Variants in ROR2 observed in about 807,000 individuals in gnomAD.
The protein encoded by ROR2 is tyrosine-protein kinase transmembrane receptor ROR2.
ROR2 carries 33 observed loss-of-function variants against 74.9 expected under a neutral mutation model. The observed-to-expected ratio is 0.44, with a 90% CI of 0.33 to 0.59. The LOEUF (loss-of-function observed/expected upper bound fraction) is 0.59. Among genes scored for constraint, ROR2 ranks in the 20% least tolerant of loss-of-function variants. The probability of loss-of-function intolerance (pLI) is 0.02; values close to 1 mark genes in which losing one functional copy is unlikely to be tolerated. For missense variants in ROR2, 1,216 were observed against 1,313.8 expected (o/e 0.93, Z 1.15); for synonymous variants, 586 against 558.7 (o/e 1.05, Z -0.69).
Position 91,733,097 on chromosome 9 carries a change from CCGCCCCGGGCCCT to C in ROR2, c.937+12_937+24del. On this transcript the variant is annotated intron_variant, in intron 6 of 8. Coordinates refer to ENST00000375708, the MANE Select transcript of ROR2 (RefSeq NM_004560.4). This position sits in a 1 kb window ranked among gnomAD's most constrained non-coding sequence, Gnocchi z 5.7. ...CCTACACTCCCTGCGCCCCCCGGTC[CCGCCCCGGGCCCT>C]CGGGCACTCACAGCGGCCCAGCCTC... is the stretch of plus-strand genomic sequence containing the variant. The C allele has an allele frequency of 7.7e-6, 12 of 1,565,882 alleles. No homozygotes were observed. Among genetic ancestry groups the C allele is most frequent in the Non-Finnish European group, 1.0e-5 (12 of 1,158,950 alleles).
intron 1 of ROR2, among the ~76,000 whole-genome samples, chr9:91,870,407 T>G (rs902637286): frequency 6.6e-6 from 1 of 152,194 alleles, no homozygotes; most frequent in Non-Finnish European, 1.5e-5. Context: ...TGGGCAAGGA[T>G]AGCCAGACCG....
intron 1 of ROR2, among the ~76,000 whole-genome samples, chr9:91,794,109 T>TCCAAATA (rs1189778501): frequency 2.6e-5 from 4 of 152,228 alleles, no homozygotes; most frequent in African/African-American, 9.7e-5. Context: ...TGGGAGACTA[T>TCCAAATA]CCAAATACCA....
Position 91,871,370 on chromosome 9 carries a change from C to G in ROR2, c.97+78497G>C, listed in dbSNP as rs151279911. On this transcript the variant is annotated intron_variant, in intron 1 of 8. Coordinates refer to ENST00000375708, the MANE Select transcript of ROR2 (RefSeq NM_004560.4). ...TGGATTGGCATGATATATCACACAG[C>G]ATGTGCTAGATAAAAGTTGGCTGAA... Among the ~76,000 whole-genome samples, 392 of 152,328 alleles carry G rather than the reference C, an allele frequency of 2.6e-3. 1 individual carries two copies. Among genetic ancestry groups the G allele is most frequent in the African/African-American group, 8.8e-3 (367 of 41,578 alleles).
At chr9:91,853,796 G>A (rs977311531) in intron 1 of ROR2, among the ~76,000 whole-genome samples, 1 of 152,172 alleles carries the variant, frequency 6.6e-6, no homozygotes, top group Non-Finnish European at 1.5e-5. Context: ...TATTCAACTC[G>A]GCCTGATGGG....
chr9:91,897,597 C>G (rs945538791), intron 1 of ROR2, among the ~76,000 whole-genome samples: 2 of 152,140 alleles, frequency 1.3e-5, no homozygotes, highest in Admixed American at 1.3e-4. Flanking sequence ...GGGGAACCAC[C>G]TGGCCAAAGG....
At chr9:91,803,884 A>G (rs1554764032) in intron 1 of ROR2, among the ~76,000 whole-genome samples, 1 of 152,242 alleles carries the variant, frequency 6.6e-6, no homozygotes. Flanking sequence ...AGACCTTACA[A>G]TCTCTGCTGA....
chr9:91,942,565 C>T (rs965864114), intron 1 of ROR2, among the ~76,000 whole-genome samples: 1 of 152,316 alleles, frequency 6.6e-6, no homozygotes, highest in Non-Finnish European at 1.5e-5. Flanking sequence ...AGTGCCCTCT[C>T]TTCCCCACCC....
chr9:91,907,361 C>G (rs1830847111), intron 1 of ROR2, among the ~76,000 whole-genome samples: 2 of 152,152 alleles, frequency 1.3e-5, no homozygotes, highest in Non-Finnish European at 2.9e-5. Flanking sequence ...ATGGACACAG[C>G]TGTGTCCAAA....
intron 7 of ROR2, among the ~76,000 whole-genome samples, 199 bp from the exon 8 acceptor site, chr9:91,726,942 G>C (rs1837061758): frequency 6.6e-6 from 1 of 152,130 alleles, no homozygotes; most frequent in Non-Finnish European, 1.5e-5. Flanking sequence ...GCTGCATCCT[G>C]GGGAAACAAA....
chr9:91,935,416 C>T (rs1831657893), intron 1 of ROR2, among the ~76,000 whole-genome samples: 2 of 152,208 alleles, frequency 1.3e-5, no homozygotes, highest in Admixed American at 1.3e-4. Flanking sequence ...CCTCCCAGGG[C>T]GAGGATGGCA....
chr9:91,948,793 G>C, intron 1 of ROR2: 1 of 985,468 alleles, frequency 1.0e-6, no homozygotes, highest in Non-Finnish European at 1.2e-6. Context: ...GGGGGCTTCA[G>C]GCGAACCCCA....
At chr9:91,914,943 A>C (rs971924643) in intron 1 of ROR2, among the ~76,000 whole-genome samples, 1 of 149,060 alleles carries the variant, frequency 6.7e-6, no homozygotes, top group Non-Finnish European at 1.5e-5. Flanking sequence ...ATCATCTTTC[A>C]TATGGGTAGG....
chr9:91,922,106 CAACAACAACAACAACAACA>C (rs1165878437), intron 1 of ROR2, among the ~76,000 whole-genome samples: 3 of 141,132 alleles, frequency 2.1e-5, no homozygotes, highest in South Asian at 2.3e-4. Flanking sequence ...ACAGCAACAA[CAACAACAACAACAACAACA>C]AACAACAACA....
At chr9:91,755,422 A>G (rs893195152) in intron 4 of ROR2, among the ~76,000 whole-genome samples, 4 of 152,254 alleles carry the variant, frequency 2.6e-5, no homozygotes, top group Admixed American at 1.3e-4. Flanking sequence ...GTCACTGCTC[A>G]TCTCAAACAC....
chr9:91,791,318 C>A (rs1219471166), intron 1 of ROR2, among the ~76,000 whole-genome samples: 2 of 152,166 alleles, frequency 1.3e-5, no homozygotes, highest in African/African-American at 2.4e-5. Context: ...GGTTAATAGC[C>A]TTGAAGCAAT....
chr9:91,822,881 C>A (rs967878348), intron 1 of ROR2, among the ~76,000 whole-genome samples: 1 of 152,142 alleles, frequency 6.6e-6, no homozygotes, highest in African/African-American at 2.4e-5. Context: ...CTTCTGGCCA[C>A]AGACGCAGAG....
intron 1 of ROR2, among the ~76,000 whole-genome samples, chr9:91,836,938 T>C (rs1282007937): frequency 6.6e-6 from 1 of 152,262 alleles, no homozygotes; most frequent in Non-Finnish European, 1.5e-5. Context: ...TTTGCAGCTT[T>C]GGTCAATGGT....
At chr9:91,782,604 A>C (rs1587714154) in intron 1 of ROR2, among the ~76,000 whole-genome samples, 1 of 146,606 alleles carries the variant, frequency 6.8e-6, no homozygotes, top group East Asian at 2.0e-4. Flanking sequence ...AAAAAAAAAA[A>C]AACCCTCATA....
Position 91,806,577 on chromosome 9 carries a change from GATC to G in ROR2, c.98-30762_98-30760del, listed in dbSNP as rs1340440413. 2.0e-5 allele frequency among the ~76,000 whole-genome samples: 3 copies of G among 152,028 alleles called. No homozygotes were observed. The East Asian group carries it at 5.8e-4, about 29-fold the overall frequency. On this transcript the variant is annotated intron_variant, in intron 1 of 8. Coordinates refer to ENST00000375708, the MANE Select transcript of ROR2 (RefSeq NM_004560.4). Reference sequence around the variant, plus strand: ...TCTATTTTGGACCTTGTGATATTATGATCATATTAGTTTTGTTTGTTTGTTTGT... The same window carrying G: ...TCTATTTTGGACCTTGTGATATTATGATATTAGTTTTGTTTGTTTGTTTGT...
Sources: gnomAD v4.1 joint callset for allele counts (sites outside exome capture counted in the v4.1 genomes callset) on GRCh38, gnomAD v4.1.1 for gene constraint, Gnocchi (gnomAD v3.1) non-coding constraint, MANE v1.5 for transcripts, NCBI Gene and HGNC (gene_info 2026-07-23, HGNC 2026-07-21) for gene names.